KCNC2: variants seen among roughly 807,000 people sequenced by gnomAD.
The protein encoded by KCNC2 is voltage-gated potassium channel KCNC2.
In KCNC2, 21 loss-of-function variants were observed where a neutral mutation model predicts 44.5. The ratio of observed to expected loss-of-function variants is 0.47; its 90% CI spans 0.33 to 0.68. KCNC2 has a LOEUF of 0.68. Ranked by LOEUF, KCNC2 falls within the 30% of genes least tolerant of loss-of-function variation. The pLI, the probability that KCNC2 is intolerant of heterozygous loss-of-function variation, is 0.01. For synonymous variants in KCNC2, 391 were observed against 339.1 expected, an observed-to-expected ratio of 1.15 and a Z score of -1.68; for missense variants, 589 against 826.2, an observed-to-expected ratio of 0.71 and a Z score of 3.52.
In KCNC2 at chr12:75,207,328, A is replaced by C; in HGVS notation, c.656T>G (p.Phe219Cys). The C allele has an allele frequency of 6.4e-7, 1 of 1,566,422 alleles. No individual in the cohort carries two copies. The highest frequency in any genetic ancestry group is 8.6e-7 in the Non-Finnish European group (1 of 1,158,150). ...RRLQPRMWAL[F>C]EDPYSSRAAR... is the part of the protein sequence containing the mutation. ...GGCTCTGGACGAGTAGGGGTCTTCG[A>C]AGAGGGCCCACATGCGGGGCTGCAG... The change falls in exon 2 of 5, where the codon TTC becomes TGC. Residue 219 changes from phenylalanine to cysteine, a missense_variant. Physicochemically the swap from Phe to Cys is radical, Grantham distance 205. Coordinates refer to ENST00000549446, the MANE Select transcript of KCNC2 (RefSeq NM_139137.4). This position sits in a 1 kb window ranked among gnomAD's most constrained non-coding sequence, Gnocchi z 4.1.
At chr12:75,106,090 G>C (rs909351781) in intron 2 of KCNC2, among the ~76,000 whole-genome samples, 1 of 152,038 alleles carries the variant, frequency 6.6e-6, no homozygotes, top group Non-Finnish European at 1.5e-5. Context: ...AAACCAGACG[G>C]TCTGAAAAAA....
chr12:75,150,359 C>T (rs768169543), intron 2 of KCNC2, among the ~76,000 whole-genome samples: 1 of 151,812 alleles, frequency 6.6e-6, no homozygotes, highest in African/African-American at 2.4e-5. Flanking sequence ...CACTACCATT[C>T]CTGTAGAAAG....
intron 2 of KCNC2, among the ~76,000 whole-genome samples, chr12:75,079,466 G>A (rs753583869): frequency 1.3e-5 from 2 of 152,080 alleles, no homozygotes; most frequent in Non-Finnish European, 2.9e-5. Context: ...ACATTTTGTT[G>A]ACTACATGAA....
chr12:75,192,770 C>T (rs1167611295), intron 2 of KCNC2, among the ~76,000 whole-genome samples: 1 of 152,076 alleles, frequency 6.6e-6, no homozygotes, highest in African/African-American at 2.4e-5. Context: ...TAGAGAAATA[C>T]ATCATTGTAG....
intron 2 of KCNC2, among the ~76,000 whole-genome samples, chr12:75,148,168 T>A (rs1246036330): frequency 1.3e-5 from 2 of 152,150 alleles, no homozygotes; most frequent in Non-Finnish European, 2.9e-5. Context: ...TAATTATCAT[T>A]TATCAATCAA....
intron 2 of KCNC2, among the ~76,000 whole-genome samples, chr12:75,173,108 AT>A (rs1350404720): frequency 1.3e-5 from 2 of 151,874 alleles, no homozygotes; most frequent in African/African-American, 4.8e-5. Context: ...CAATTTTAAT[AT>A]TTGCCTATGA....
chr12:75,165,287 C>G (rs1260203786), intron 2 of KCNC2, among the ~76,000 whole-genome samples: 1 of 151,418 alleles, frequency 6.6e-6, no homozygotes, highest in Admixed American at 6.6e-5. Flanking sequence ...ATATTGTAAA[C>G]AGACTGTATA....
At chr12:75,104,294 G>T (rs969402456) in intron 2 of KCNC2, among the ~76,000 whole-genome samples, 1 of 152,182 alleles carries the variant, frequency 6.6e-6, no homozygotes, top group Non-Finnish European at 1.5e-5. Flanking sequence ...GAAGGTTCAC[G>T]TCCCAAGTAG....
Position 75,075,322 on chromosome 12 carries a change from C to T in KCNC2, c.688-24005G>A, listed in dbSNP as rs768807165. Among the ~76,000 whole-genome samples the T allele has an allele frequency of 4.5e-4, 68 of 151,816 alleles. 1 individual carries two copies. The highest frequency in any genetic ancestry group is 8.2e-4 in the Non-Finnish European group (56 of 67,904). ...TACATTTTACTCCAATCAAGAGATG[C>T]CATGATTCCTTTTTGCATTATCCCT... On this transcript the variant is annotated intron_variant, in intron 2 of 4. Coordinates refer to ENST00000549446, the MANE Select transcript of KCNC2 (RefSeq NM_139137.4).
At chr12:75,194,500 T>G (rs2030587366) in intron 2 of KCNC2, among the ~76,000 whole-genome samples, 1 of 152,214 alleles carries the variant, frequency 6.6e-6, no homozygotes, top group African/African-American at 2.4e-5. Flanking sequence ...GTCTGTTGTC[T>G]TAAGTCACCC....
At chr12:75,087,859 T>C (rs1207161188) in intron 2 of KCNC2, among the ~76,000 whole-genome samples, 2 of 152,030 alleles carry the variant, frequency 1.3e-5, no homozygotes, top group Non-Finnish European at 2.9e-5. Context: ...GGCAGAAGAA[T>C]CTCGATATGA....
chr12:75,209,511 C>A lies in KCNC2; in HGVS notation c.-324G>T, dbSNP rs920432756. On this transcript the variant is annotated 5_prime_UTR_variant, in exon 1 of 5. Coordinates refer to ENST00000549446, the MANE Select transcript of KCNC2 (RefSeq NM_139137.4). ...GTTGGGCAAACCATGGAGCTCGGGG[C>A]GGGTCCAGCCGGCACTGCCCGACCC... 6.6e-6 allele frequency: 1 copy of A among 152,202 alleles called. No individual in the cohort carries two copies. Among genetic ancestry groups the A allele is most frequent in the Non-Finnish European group, 1.5e-5 (1 of 68,082 alleles). The allele number at this position is 152,202 out of a possible 1,614,324, so 9.4% of individuals were successfully genotyped here.
intron 2 of KCNC2, among the ~76,000 whole-genome samples, chr12:75,150,984 G>A (rs940969067): frequency 4.0e-5 from 6 of 151,804 alleles, no homozygotes; most frequent in Non-Finnish European, 7.4e-5. Context: ...TAGTATGGTG[G>A]ATTATATGCT....
chr12:75,089,005 T>C (rs1885257472), intron 2 of KCNC2, among the ~76,000 whole-genome samples: 1 of 151,884 alleles, frequency 6.6e-6, no homozygotes, highest in South Asian at 2.1e-4. Flanking sequence ...AGAAAATGCA[T>C]ATCAGGTTTA....
chr12:75,182,520 C>CAAAAAAAAA (rs71438888), intron 2 of KCNC2, among the ~76,000 whole-genome samples: 55 of 80,886 alleles, frequency 6.8e-4, no homozygotes, highest in South Asian at 3.7e-3. Context: ...GATTCCGTCT[C>CAAAAAAAAA]AAAAAAAAAA....
intron 2 of KCNC2, among the ~76,000 whole-genome samples, chr12:75,166,005 T>C (rs1481401765): frequency 6.6e-6 from 1 of 151,268 alleles, no homozygotes; most frequent in African/African-American, 2.4e-5. Flanking sequence ...ATAATTCAAC[T>C]ACAAAAGATA....
chr12:75,145,130 T>A (rs1889926345), intron 2 of KCNC2, among the ~76,000 whole-genome samples: 1 of 152,138 alleles, frequency 6.6e-6, no homozygotes, highest in African/African-American at 2.4e-5. Flanking sequence ...ACCGAGTCAT[T>A]TATCTGCCCA....
At chr12:75,126,686 G>A (rs7954101) in intron 2 of KCNC2, among the ~76,000 whole-genome samples, 30,338 of 152,026 alleles carry the variant, frequency 0.2, 3,482 homozygotes, top group Admixed American at 0.27. Context: ...TGAAAATGAA[G>A]GGTCTCATGG....
intron 2 of KCNC2, among the ~76,000 whole-genome samples, chr12:75,076,419 C>G (rs1191607285): frequency 6.6e-6 from 1 of 152,106 alleles, no homozygotes; most frequent in South Asian, 2.1e-4. Flanking sequence ...ACTAGAGGCG[C>G]CCGCTACCAC....
Sources: allele counts gnomAD v4.1 joint callset (sites outside exome capture counted in the v4.1 genomes callset), GRCh38; gene constraint gnomAD v4.1.1; non-coding constraint Gnocchi (gnomAD v3.1); transcripts MANE v1.5; gene names NCBI Gene and HGNC (gene_info 2026-07-23, HGNC 2026-07-21).